Variants in CLDND1 observed in about 807,000 individuals in gnomAD.
CLDND1 encodes the protein claudin domain-containing protein 1.
CLDND1 carries 13 observed loss-of-function variants against 26.3 expected under a neutral mutation model. The observed-to-expected ratio is 0.49, with a 90% CI of 0.32 to 0.78. CLDND1 has a LOEUF of 0.78. Among genes scored for constraint, CLDND1 ranks in the 30% least tolerant of loss-of-function variants. The probability of loss-of-function intolerance (pLI) is 0.03; values close to 1 mark genes in which losing one functional copy is unlikely to be tolerated. For synonymous variants in CLDND1, 107 were observed against 107.0 expected (o/e 1.00, Z 0.00); for missense variants, 289 against 312.8 (o/e 0.92, Z 0.57).
chr3:98,517,062 A>G lies in CLDND1; in HGVS notation c.531T>C (p.His177=), dbSNP rs754441487. ...GATGACAAAACCTACCTGCAAGGAG[A>G]TGGAGAATGCCCGTGGCAATGGTGG... ...LYPTIATGIL[H]LLAGLCTLGS... is the part of the protein sequence containing the mutation. The change falls in exon 4 of 5, where the codon CAT becomes CAC. Residue 177 remains histidine (H), a synonymous_variant. Coordinates refer to ENST00000341181, the MANE Select transcript of CLDND1 (RefSeq NM_001040181.2). The G allele has an allele frequency of 4.3e-6, 7 of 1,614,060 alleles. No individual in the cohort carries two copies. The highest frequency in any genetic ancestry group is 3.3e-4 in the Middle Eastern group (2 of 6,062).
intron 1 of CLDND1, chr3:98,521,862 C>G (rs140907031): frequency 4.9e-5 from 30 of 611,912 alleles, no homozygotes; most frequent in Non-Finnish European, 8.0e-5. Context: ...GTTAAAAAGG[C>G]ACAGGAAAAA....
At position 98,517,046 on chromosome 3, in the gene CLDND1, A is replaced by T. The variant is rs767162956; in HGVS notation, c.541+6T>A. 4.3e-6 allele frequency: 7 copies of T among 1,613,688 alleles called. No homozygotes were observed. Among genetic ancestry groups the T allele is most frequent in the Non-Finnish European group, 5.9e-6 (7 of 1,179,904 alleles). On this transcript the variant is annotated splice_donor_region_variant and intron_variant, in intron 4 of 4. Coordinates refer to ENST00000341181, the MANE Select transcript of CLDND1 (RefSeq NM_001040181.2). ...GCTAAAAGGTAAGTATGATGACAAA[A>T]CCTACCTGCAAGGAGATGGAGAATG...
chr3:98,517,333 C>T (rs1706186608), intron 3 of CLDND1, 144 bp from the exon 4 acceptor site: 1 of 924,078 alleles, frequency 1.1e-6, no homozygotes, highest in African/African-American at 1.7e-5. Flanking sequence ...TTCTAAAGCA[C>T]ATTATTCAAA....
chr3:98,521,764 A>T lies in CLDND1; in HGVS notation c.-18-322T>A, dbSNP rs767135505. The T allele has an allele frequency of 1.2e-5, 17 of 1,409,464 alleles. No individual in the cohort carries two copies. The East Asian group carries it at 3.9e-4, about 32-fold the overall frequency. The allele number at this position is 1,409,464 out of a possible 1,614,324, so 87.3% of individuals were successfully genotyped here. A position where few individuals can be genotyped will look rare whatever the true frequency, so the allele number is the denominator to read the frequency against. On this transcript the variant is annotated intron_variant, in intron 1 of 4. Transcript: ENST00000341181. ...ACAGATACAAACAATAGACATGCCCATGGTCAGCAGTGTACCGTGCACACA... is the reference window on the plus strand; with the variant it reads ...ACAGATACAAACAATAGACATGCCCTTGGTCAGCAGTGTACCGTGCACACA...
At chr3:98,520,133 T>C (rs1463261820) in intron 2 of CLDND1, among the ~76,000 whole-genome samples, 1 of 152,198 alleles carries the variant, frequency 6.6e-6, no homozygotes, top group Non-Finnish European at 1.5e-5. Flanking sequence ...TTTTGTTCTT[T>C]CCTGATGTTC....
Position 98,522,671 on chromosome 3 carries a change from C to G in CLDND1, c.-19+178G>C, listed in dbSNP as rs990681141. 2.8e-6 allele frequency: 4 copies of G among 1,438,546 alleles called. No individual in the cohort carries two copies. In the African/African-American group the frequency reaches 6.0e-5, roughly 21 times the overall value. 89.1% of individuals were successfully genotyped at this position (1,438,546 alleles called of 1,614,324 possible). On this transcript the variant is annotated intron_variant, in intron 1 of 4. Coordinates refer to ENST00000341181, the MANE Select transcript of CLDND1 (RefSeq NM_001040181.2). ...CGGGGCAGCCGTGCTCGGCCCCGGG[C>G]CAGGGTCCCCCGGTACCCGACCAGG...
At position 98,516,309 on chromosome 3, in the gene CLDND1, TAC is replaced by T. The variant is rs1559652546; in HGVS notation, c.*348_*349del. 2.8e-6 allele frequency: 3 copies of T among 1,060,830 alleles called. No homozygotes were observed. The highest frequency in any genetic ancestry group is 1.7e-4 in the East Asian group (2 of 12,064). 65.7% of individuals were successfully genotyped at this position (1,060,830 alleles called of 1,614,324 possible). On this transcript the variant is annotated 3_prime_UTR_variant, in exon 5 of 5. Transcript: ENST00000341181. Reference sequence around the variant, plus strand: ...AATATAGAGTTTTTAGTTGAACAGATACAGTTACTTTAGTTTTACTGAAAAGT... The same window carrying T: ...AATATAGAGTTTTTAGTTGAACAGATAGTTACTTTAGTTTTACTGAAAAGT...
chr3:98,516,029 T>C lies in CLDND1; in HGVS notation c.*630A>G, dbSNP rs565265888. The stretch of plus-strand genomic sequence containing the variant: ...CCGGCTGAACTGGAATTCTTGCAGT[T>C]ACAAAGTTAAAATTTCAAGTAAACA... On this transcript the variant is annotated 3_prime_UTR_variant, in exon 5 of 5. Transcript: ENST00000341181. The C allele has an allele frequency of 8.5e-5, 99 of 1,160,936 alleles. No homozygotes were observed. Among genetic ancestry groups the C allele is most frequent in the Middle Eastern group, 7.9e-4 (2 of 2,540 alleles). 71.9% of individuals were successfully genotyped at this position (1,160,936 alleles called of 1,614,324 possible).
chr3:98,518,638 T>C (rs1232721167), intron 3 of CLDND1: 2 of 417,650 alleles, frequency 4.8e-6, no homozygotes, highest in Non-Finnish European at 8.6e-6. Context: ...TAACATCTTT[T>C]GAAGGTCTAG....
chr3:98,517,572 A>G (rs1415576201), intron 3 of CLDND1, among the ~76,000 whole-genome samples: 1 of 152,268 alleles, frequency 6.6e-6, no homozygotes, highest in Non-Finnish European at 1.5e-5. Flanking sequence ...ATACAAATTT[A>G]CAAATATATA....
chr3:98,519,016 T>C (rs745693409), intron 2 of CLDND1, 21 bp from the exon 3 acceptor site: 2 of 1,338,652 alleles, frequency 1.5e-6, no homozygotes, highest in Non-Finnish European at 2.1e-6. Flanking sequence ...AACAATTGCC[T>C]GTTGTTTTAA....
chr3:98,521,590 G>A, intron 1 of CLDND1, 148 bp from the exon 2 acceptor site: 2 of 1,525,730 alleles, frequency 1.3e-6, no homozygotes, highest in Non-Finnish European at 9.1e-7. Context: ...AAGCAAGCAT[G>A]TTTTTAATTA....
rs368406611 is a variant in CLDND1 at position 98,517,064 on chromosome 3, G to A, written c.529C>T (p.His177Tyr). 6.2e-6 allele frequency: 10 copies of A among 1,614,020 alleles called. No homozygotes were observed. The East Asian group carries it at 1.1e-4, about 18-fold the overall frequency. The change falls in exon 4 of 5, where the codon CAT becomes TAT. Residue 177 changes from histidine to tyrosine, a missense_variant. Physicochemically the swap from His to Tyr is moderately conservative, Grantham distance 83. Coordinates refer to ENST00000341181, the MANE Select transcript of CLDND1 (RefSeq NM_001040181.2). Reference protein sequence around the residue: ...LYPTIATGILHLLAGLCTLGS... With the variant: ...LYPTIATGILYLLAGLCTLGS... Reference sequence around the variant, plus strand: ...TGACAAAACCTACCTGCAAGGAGATGGAGAATGCCCGTGGCAATGGTGGGA... The same window carrying A: ...TGACAAAACCTACCTGCAAGGAGATAGAGAATGCCCGTGGCAATGGTGGGA...
At position 98,516,793 on chromosome 3, in the gene CLDND1, C is replaced by T. The variant is rs148992077; in HGVS notation, c.628G>A (p.Gly210Ser). The change falls in exon 5 of 5, where the codon GGT becomes AGT. Residue 210 changes from glycine to serine, a missense_variant. Transcript: ENST00000341181. The part of the protein sequence containing the change: ...QKLELPDNVS[G>S]EFGWSFCLAC... ...AGGCAGAAGGACCATCCAAATTCAC[C>T]GGATACATTGTCAGGGAGCTCTAGT... 14 of 1,613,958 alleles carry T rather than the reference C, an allele frequency of 8.7e-6. No homozygotes were observed. Among genetic ancestry groups the T allele is most frequent in the African/African-American group, 2.7e-5 (2 of 74,880 alleles).
At chr3:98,517,412 C>G in intron 3 of CLDND1, 1 of 545,604 alleles carries the variant, frequency 1.8e-6, no homozygotes, top group South Asian at 2.3e-5. Context: ...TGAGGGTTCA[C>G]TATGTTCCAT....
At position 98,521,265 on chromosome 3, in the gene CLDND1, A is replaced by C; in HGVS notation, c.160T>G (p.Phe54Val). 2 of 1,614,222 alleles carry C rather than the reference A, an allele frequency of 1.2e-6. No individual in the cohort carries two copies. The highest frequency in any genetic ancestry group is 1.7e-6 in the Non-Finnish European group (2 of 1,180,028). ...TTTTCATCTGCCTCATCACTAATGAATTCATCCCAGATGCTTTTATTCAAA... is the reference window on the plus strand; with the variant it reads ...TTTTCATCTGCCTCATCACTAATGACTTCATCCCAGATGCTTTTATTCAAA... The part of the protein sequence containing the change: ...SDLNKSIWDE[F>V]ISDEADEKTY... The change falls in exon 2 of 5, where the codon TTC (phenylalanine) becomes GTC (valine). Residue 54 changes from phenylalanine to valine, a missense_variant. Phe to Val is a conservative substitution (Grantham distance 50). Coordinates refer to ENST00000341181, the MANE Select transcript of CLDND1 (RefSeq NM_001040181.2).
intron 1 of CLDND1, 144 bp from the exon 2 acceptor site, chr3:98,521,586 G>T: frequency 6.6e-7 from 1 of 1,517,986 alleles, no homozygotes; most frequent in South Asian, 1.1e-5. Flanking sequence ...TAGAAAGCAA[G>T]CATGTTTTTA....
chr3:98,522,282 C>T (rs902665467), intron 1 of CLDND1: 2 of 158,362 alleles, frequency 1.3e-5, no homozygotes, highest in Non-Finnish European at 2.8e-5. Context: ...CAGGGCTCAA[C>T]GGCAGTAGTA....
chr3:98,516,948 C>A, intron 4 of CLDND1, 69 bp from the exon 5 acceptor site: 1 of 1,607,630 alleles, frequency 6.2e-7, no homozygotes, highest in Non-Finnish European at 8.5e-7. Flanking sequence ...GCTTTTCAGG[C>A]AATGTGACAG....
Sources: gnomAD v4.1 joint callset for allele counts (sites outside exome capture counted in the v4.1 genomes callset) on GRCh38, gnomAD v4.1.1 for gene constraint, MANE v1.5 for transcripts, NCBI Gene and HGNC (gene_info 2026-07-23, HGNC 2026-07-21) for gene names.